The following SORCS2 variants were observed in gnomAD, a reference collection of about 807,000 sequenced individuals.
SORCS2 encodes the protein sortilin related VPS10 domain containing receptor 2.
In SORCS2, 100 loss-of-function variants were observed where a neutral mutation model predicts 141.6. That is an observed-to-expected ratio of 0.71 (90% CI 0.60 to 0.83). SORCS2 has a LOEUF of 0.83. SORCS2 is among the 40% of genes least tolerant of loss of function. SORCS2 has a pLI of 0.00. For synonymous variants in SORCS2, 789 were observed against 676.9 expected (o/e 1.17, Z -2.57); for missense variants, 1,646 against 1,560.2 (o/e 1.05, Z -0.93).
At chr4:7,307,150 C>T (rs925959771) in intron 1 of SORCS2, among the ~76,000 whole-genome samples, 1 of 152,122 alleles carries the variant, frequency 6.6e-6, no homozygotes, top group Non-Finnish European at 1.5e-5. Context: ...ACCCTGAAGG[C>T]GACGCCAGCC....
At chr4:7,284,533 C>T (rs1438668877) in intron 1 of SORCS2, among the ~76,000 whole-genome samples, 1 of 152,204 alleles carries the variant, frequency 6.6e-6, no homozygotes, top group African/African-American at 2.4e-5. Context: ...TATGACCTGG[C>T]AGCTCCATGA....
intron 1 of SORCS2, among the ~76,000 whole-genome samples, chr4:7,356,614 A>G (rs1298793376): frequency 1.3e-5 from 2 of 152,000 alleles, no homozygotes; most frequent in Non-Finnish European, 2.9e-5. Context: ...CAAAGCCCTC[A>G]CCTCCAAATA....
chr4:7,640,214 G>A (rs1364764721), intron 4 of SORCS2, among the ~76,000 whole-genome samples: 1 of 138,194 alleles, frequency 7.2e-6, no homozygotes, highest in African/African-American at 2.8e-5. Flanking sequence ...GTACATGTAT[G>A]GGTGTGTATG....
chr4:7,703,393 G>A (rs373061874), intron 13 of SORCS2, 22 bp downstream of exon 13: 192 of 1,594,818 alleles, frequency 1.2e-4, no homozygotes, highest in Middle Eastern at 3.3e-4. Context: ...TGCTAGCCCC[G>A]GGGCAGGGAG....
intron 1 of SORCS2, among the ~76,000 whole-genome samples, chr4:7,340,898 A>G (rs1720332584): frequency 6.6e-6 from 1 of 152,222 alleles, no homozygotes; most frequent in African/African-American, 2.4e-5. Flanking sequence ...GTCTGCAGCC[A>G]GGAGAAATTG....
Position 7,192,990 on chromosome 4 carries a change from G to A in SORCS2, c.344G>A (p.Arg115Gln), listed in dbSNP as rs1407135143. The A allele has an allele frequency of 1.4e-6, 2 of 1,429,340 alleles. No homozygotes were observed. Among genetic ancestry groups the A allele is most frequent in the Non-Finnish European group, 1.8e-6 (2 of 1,099,078 alleles). The allele number at this position is 1,429,340 out of a possible 1,614,324, so 88.5% of individuals were successfully genotyped here. Residue 115 changes from arginine to glutamine, a missense_variant, in exon 1 of 27, where the codon CGG becomes CAG. Physicochemically the swap from Arg to Gln is conservative, Grantham distance 43. Coordinates refer to ENST00000507866, the MANE Select transcript of SORCS2 (RefSeq NM_020777.3). The surrounding 1 kb of genome is among the most constrained non-coding windows in gnomAD (Gnocchi z 4.0). ...GEDGAPAAGY[R>Q]RWERAAPLAG... ...GACGGCGCCCCCGCCGCGGGCTACC[G>A]GCGCTGGGAGCGGGCGGCGCCGCTG...
intron 3 of SORCS2, among the ~76,000 whole-genome samples, chr4:7,581,979 T>C (rs575854367): frequency 6.6e-6 from 1 of 152,364 alleles, no homozygotes; most frequent in South Asian, 2.1e-4. Flanking sequence ...ATTTTTATCA[T>C]ATAAGTATCT....
intron 14 of SORCS2, 134 bp from the exon 15 acceptor site, chr4:7,712,599 C>T (rs955366816): frequency 4.5e-6 from 6 of 1,339,282 alleles, no homozygotes; most frequent in African/African-American, 2.9e-5. Context: ...CTCTGATCTC[C>T]AGCAAGGGCA....
intron 1 of SORCS2, among the ~76,000 whole-genome samples, chr4:7,369,896 A>T (rs1722139827): frequency 6.6e-6 from 1 of 152,162 alleles, no homozygotes; most frequent in Non-Finnish European, 1.5e-5. Flanking sequence ...TGTCTTCTCC[A>T]GCTCCCCCTC....
chr4:7,327,520 C>T (rs1240680685), intron 1 of SORCS2, among the ~76,000 whole-genome samples: 1 of 152,240 alleles, frequency 6.6e-6, no homozygotes. Context: ...GGATAGATGG[C>T]AGCTGCCACC....
chr4:7,595,391 A>G (rs956405192), intron 3 of SORCS2, among the ~76,000 whole-genome samples: 1 of 151,988 alleles, frequency 6.6e-6, no homozygotes, highest in Non-Finnish European at 1.5e-5. Flanking sequence ...GTCACTGGCC[A>G]TTGGTGACTA....
At chr4:7,507,322 G>A (rs781225503) in intron 2 of SORCS2, among the ~76,000 whole-genome samples, 2 of 152,072 alleles carry the variant, frequency 1.3e-5, no homozygotes, top group Admixed American at 6.5e-5. Flanking sequence ...TTACAGGCGC[G>A]TGCCACCACG....
In SORCS2 at chr4:7,740,435, C is replaced by T. The variant is rs1003927431; in HGVS notation, c.*171C>T. On this transcript the variant is annotated 3_prime_UTR_variant, in exon 27 of 27. Transcript: ENST00000507866. The stretch of plus-strand genomic sequence containing the variant: ...ATAAATCCAAGCCCGCCCAGGCCCA[C>T]GGGGGGCCCACGGGACCCCCCGGGA... The T allele has an allele frequency of 3.8e-5, 24 of 628,550 alleles. No individual in the cohort carries two copies. Among genetic ancestry groups the T allele is most frequent in the East Asian group, 5.6e-5 (2 of 35,834 alleles). The allele number at this position is 628,550 out of a possible 1,614,324, so 38.9% of individuals were successfully genotyped here. A position where few individuals can be genotyped will look rare whatever the true frequency, so the allele number is the denominator to read the frequency against.
intron 1 of SORCS2, among the ~76,000 whole-genome samples, chr4:7,380,496 T>G (rs1722920906): frequency 6.6e-6 from 1 of 152,010 alleles, no homozygotes; most frequent in Non-Finnish European, 1.5e-5. Flanking sequence ...AGAAACTGAG[T>G]GTTTTCCAAA....
intron 2 of SORCS2, among the ~76,000 whole-genome samples, chr4:7,464,998 C>G (rs1201389045): frequency 6.6e-6 from 1 of 152,262 alleles, no homozygotes; most frequent in African/African-American, 2.4e-5. Flanking sequence ...GCCCTAAGTG[C>G]TGGGGGTTCT....
chr4:7,695,005 C>G (rs1027421162), intron 11 of SORCS2, among the ~76,000 whole-genome samples: 4 of 151,844 alleles, frequency 2.6e-5, no homozygotes, highest in Non-Finnish European at 5.9e-5. Flanking sequence ...GCACGGCCAC[C>G]CTTGTCTGCT....
chr4:7,612,313 G>GA (rs2108811628), intron 3 of SORCS2, among the ~76,000 whole-genome samples: 1 of 152,268 alleles, frequency 6.6e-6, no homozygotes, highest in African/African-American at 2.4e-5. Context: ...GAAGGGCATG[G>GA]AGACAGGGTG....
At chr4:7,619,913 A>G (rs1014875105) in intron 3 of SORCS2, among the ~76,000 whole-genome samples, 3 of 152,078 alleles carry the variant, frequency 2.0e-5, no homozygotes, top group Non-Finnish European at 2.9e-5. Context: ...CTCGGCACAG[A>G]TTCGTCAGCC....
At chr4:7,691,604 T>C (rs1294125364) in intron 11 of SORCS2, among the ~76,000 whole-genome samples, 1 of 152,064 alleles carries the variant, frequency 6.6e-6, no homozygotes, top group Non-Finnish European at 1.5e-5. Context: ...ACAGCCTCTG[T>C]CTGCCCCCAC....
Sources: allele counts gnomAD v4.1 joint callset (sites outside exome capture counted in the v4.1 genomes callset), GRCh38; gene constraint gnomAD v4.1.1; non-coding constraint Gnocchi (gnomAD v3.1); transcripts MANE v1.5; gene names NCBI Gene and HGNC (gene_info 2026-07-23, HGNC 2026-07-21).